Variants in TULP4 observed in about 807,000 individuals in gnomAD.
TULP4 encodes TUB like protein 4, also known as tubby-related protein 4.
Under a neutral mutation model 129.0 loss-of-function variants are expected in TULP4, and 16 were observed. The ratio of observed to expected loss-of-function variants is 0.12; its 90% CI spans 0.08 to 0.19. TULP4 has a LOEUF of 0.19. Among genes scored for constraint, TULP4 ranks in the 10% least tolerant of loss-of-function variants. The pLI, the probability that TULP4 is intolerant of heterozygous loss-of-function variation, is 1.00. For missense variants in TULP4, 1,842 were observed against 2,059.1 expected, an observed-to-expected ratio of 0.89 and a Z score of 2.04; for synonymous variants, 998 against 854.0, an observed-to-expected ratio of 1.17 and a Z score of -2.94.
intron 3 of TULP4, among the ~76,000 whole-genome samples, chr6:158,448,147 T>C (rs961045848): frequency 3.3e-5 from 5 of 152,182 alleles, no homozygotes; most frequent in Admixed American, 3.3e-4. Context: ...GCATTCAGCC[T>C]TCCTCTATCC....
chr6:158,444,219 CAAA>C lies in TULP4; in HGVS notation c.544-4752_544-4750del, dbSNP rs71030171. Among the ~76,000 whole-genome samples the C allele has an allele frequency of 1.9e-3, 64 of 34,110 alleles. 1 individual carries two copies. Among genetic ancestry groups the C allele is most frequent in the African/African-American group, 4.0e-3 (35 of 8,704 alleles). 22.4% of individuals were successfully genotyped at this position (34,110 alleles called of 152,430 possible). A position where few individuals can be genotyped will look rare whatever the true frequency, so the allele number is the denominator to read the frequency against. The stretch of plus-strand genomic sequence containing the variant: ...TGGGCGACAGAGCAAGACTCTGTCT[CAAA>C]AAAAAAAAAAAAAAAAAAAAAAAAT... On this transcript the variant is annotated intron_variant, in intron 3 of 13. Transcript: ENST00000367097.
chr6:158,450,197 G>C (rs1333322557), intron 4 of TULP4, among the ~76,000 whole-genome samples: 1 of 152,182 alleles, frequency 6.6e-6, no homozygotes, highest in East Asian at 1.9e-4. Flanking sequence ...ACTGCCGCAG[G>C]CTTCTATCCT....
intron 1 of TULP4, among the ~76,000 whole-genome samples, chr6:158,332,085 T>C (rs1779908383): frequency 6.8e-6 from 1 of 146,506 alleles, no homozygotes; most frequent in Non-Finnish European, 1.5e-5. Flanking sequence ...GACAGGAGAA[T>C]CATTTGAACC....
chr6:158,322,581 C>T (rs1222955260), intron 1 of TULP4, among the ~76,000 whole-genome samples: 1 of 152,076 alleles, frequency 6.6e-6, no homozygotes, highest in Non-Finnish European at 1.5e-5. Context: ...ACTTTCCAGT[C>T]CTTACAATAC....
intron 1 of TULP4, among the ~76,000 whole-genome samples, chr6:158,319,873 A>T (rs1353241492): frequency 6.6e-6 from 1 of 152,222 alleles, no homozygotes; most frequent in Non-Finnish European, 1.5e-5. Context: ...AGGAATTCTT[A>T]TCCTGTGATA....
chr6:158,440,317 CAAAA>C (rs34200003), intron 3 of TULP4, among the ~76,000 whole-genome samples: 136 of 85,978 alleles, frequency 1.6e-3, no homozygotes, highest in Non-Finnish European at 2.0e-3. Flanking sequence ...GTCCCTGTCT[CAAAA>C]AAAAAAAAAA....
chr6:158,452,135 T>C lies in TULP4; in HGVS notation c.726T>C (p.Asp242=). Residue 242 remains aspartate (D), a splice_region_variant and synonymous_variant, in exon 5 of 14, where the codon GAT becomes GAC. Coordinates refer to ENST00000367097, the MANE Select transcript of TULP4 (RefSeq NM_020245.5). ...CACTTGGCACTTGTGTTCCTGCAGATGGTCCGGCAGCATATCCCATCCCAG... is the reference window on the plus strand; with the variant it reads ...CACTTGGCACTTGTGTTCCTGCAGACGGTCCGGCAGCATATCCCATCCCAG... ...TDSDDYAPPQ[D]GPAAYPIPVQ... 6.2e-7 allele frequency: 1 copy of C among 1,613,776 alleles called. No individual in the cohort carries two copies. The highest frequency in any genetic ancestry group is 8.5e-7 in the Non-Finnish European group (1 of 1,179,834).
At chr6:158,397,557 TTTTG>T (rs746418819) in intron 1 of TULP4, among the ~76,000 whole-genome samples, 44 of 152,032 alleles carry the variant, frequency 2.9e-4, no homozygotes, top group East Asian at 7.7e-4. Context: ...TTGTTAGGTG[TTTTG>T]TTTGTTTGTT....
intron 1 of TULP4, among the ~76,000 whole-genome samples, chr6:158,345,402 C>T (rs1177867160): frequency 6.6e-6 from 1 of 152,178 alleles, no homozygotes; most frequent in East Asian, 1.9e-4. Context: ...ATTGGGGGAA[C>T]CCACCCCCAA....
At position 158,313,906 on chromosome 6, in the gene TULP4, A is replaced by G. The variant is rs928451280; in HGVS notation, c.-111A>G. ...TCAGGTCAGTCTTAATTAAAGGGGG[A>G]AAAAAGCAACGCAAGCCAACCACAA... On this transcript the variant is annotated 5_prime_UTR_variant, in exon 1 of 14. Coordinates refer to ENST00000367097, the MANE Select transcript of TULP4 (RefSeq NM_020245.5). 1 of 1,301,916 alleles carries G rather than the reference A, an allele frequency of 7.7e-7. No individual in the cohort carries two copies. The highest frequency in any genetic ancestry group is 1.0e-6 in the Non-Finnish European group (1 of 963,616). 80.6% of individuals were successfully genotyped at this position (1,301,916 alleles called of 1,614,324 possible). A position where few individuals can be genotyped will look rare whatever the true frequency, so the allele number is the denominator to read the frequency against.
intron 1 of TULP4, among the ~76,000 whole-genome samples, chr6:158,318,616 T>C (rs533882500): frequency 6.6e-6 from 1 of 152,374 alleles, no homozygotes; most frequent in East Asian, 1.9e-4. Flanking sequence ...AATCTAGGGG[T>C]CTAACATTTT....
intron 1 of TULP4, among the ~76,000 whole-genome samples, chr6:158,240,817 C>T (rs1346073218): frequency 1.3e-5 from 2 of 149,350 alleles, no homozygotes; most frequent in African/African-American, 2.4e-5. Flanking sequence ...ACCTCCCTCC[C>T]GGATGGCATG....
At chr6:158,274,937 T>G (rs1039678589) in intron 1 of TULP4, among the ~76,000 whole-genome samples, 1 of 152,272 alleles carries the variant, frequency 6.6e-6, no homozygotes, top group Admixed American at 6.5e-5. Flanking sequence ...CTGCCTCTTG[T>G]TAGCCTTTTA....
chr6:158,332,186 AAAAAAAAAAAAAAAAT>A (rs1158548552), intron 1 of TULP4, among the ~76,000 whole-genome samples: 4 of 15,232 alleles, frequency 2.6e-4, no homozygotes, highest in East Asian at 4.0e-3. Flanking sequence ...AAAAAAAAAA[AAAAAAAAAAAAAAAAT>A]ATATATATAT....
intron 1 of TULP4, among the ~76,000 whole-genome samples, chr6:158,316,291 T>A (rs1375185172): frequency 6.6e-6 from 1 of 152,144 alleles, no homozygotes. Context: ...AGGTGGAATT[T>A]CTAAGTCATA....
At chr6:158,442,998 T>TTG in intron 3 of TULP4, among the ~76,000 whole-genome samples, 1 of 151,876 alleles carries the variant, frequency 6.6e-6, no homozygotes, top group Non-Finnish European at 1.5e-5. Flanking sequence ...GTTTGTTTGT[T>TTG]TTTTGAGATG....
In TULP4 at chr6:158,507,185, A is replaced by G. The variant is rs886488722; in HGVS notation, c.*491A>G. ...GGGATGGGGACAGCATTTGATTTAC[A>G]CTGATTATGTTACTCCCCAAAAGGT... is the stretch of plus-strand genomic sequence containing the variant. On this transcript the variant is annotated 3_prime_UTR_variant, in exon 14 of 14. Coordinates refer to ENST00000367097, the MANE Select transcript of TULP4 (RefSeq NM_020245.5). The G allele has an allele frequency of 1.9e-4, 31 of 162,796 alleles. No individual in the cohort carries two copies. The highest frequency in any genetic ancestry group is 3.3e-4 in the Non-Finnish European group (24 of 73,316). The allele number at this position is 162,796 out of a possible 1,614,324, so 10.1% of individuals were successfully genotyped here.
rs1216741265 is a variant in TULP4 at position 158,455,231 on chromosome 6, C to A, written c.859+2963C>A. Reference sequence around the variant, plus strand: ...CTGGGACTACAGGCGCCCGCCACCGCGCCCGGCTAATTTTTTGTATTTTTA... The same window carrying A: ...CTGGGACTACAGGCGCCCGCCACCGAGCCCGGCTAATTTTTTGTATTTTTA... On this transcript the variant is annotated intron_variant, in intron 5 of 13. Transcript: ENST00000367097. Among the ~76,000 whole-genome samples the A allele has an allele frequency of 4.7e-5, 3 of 64,136 alleles. 1 individual carries two copies. Among genetic ancestry groups the A allele is most frequent in the Non-Finnish European group, 8.6e-5 (3 of 34,842 alleles). The allele number at this position is 64,136 out of a possible 152,430, so 42.1% of individuals were successfully genotyped here.
At chr6:158,312,072 C>G (rs1779368099), upstream of TULP4, 1 of 397,288 alleles carries the variant, frequency 2.5e-6, no homozygotes, top group Non-Finnish European at 4.4e-6. Flanking sequence ...TCCAGGGCCT[C>G]CCAGCCGTGA....
Sources: gnomAD v4.1 joint callset for allele counts (sites outside exome capture counted in the v4.1 genomes callset) on GRCh38, gnomAD v4.1.1 for gene constraint, MANE v1.5 for transcripts, NCBI Gene and HGNC (gene_info 2026-07-23, HGNC 2026-07-21) for gene names.